CRPPA: variants seen among roughly 807,000 people sequenced by gnomAD.
CRPPA encodes D-ribitol-5-phosphate cytidylyltransferase.
In CRPPA, 43 loss-of-function variants were observed where a neutral mutation model predicts 52.0. The ratio of observed to expected loss-of-function variants is 0.83; its 90% CI spans 0.65 to 1.07. The LOEUF (loss-of-function observed/expected upper bound fraction) is 1.07. Among genes scored for constraint, CRPPA ranks in the 50% least tolerant of loss-of-function variants. The pLI is 0.00. For synonymous variants in CRPPA, 250 were observed against 203.5 expected (o/e 1.23, Z -1.94); for missense variants, 629 against 551.7 (o/e 1.14, Z -1.40).
Position 16,397,802 on chromosome 7 carries a change from C to T in CRPPA, c.534+8259G>A, listed in dbSNP as rs183683549. 5.1e-3 allele frequency among the ~76,000 whole-genome samples: 775 copies of T among 152,290 alleles called. 6 individuals are homozygous for T. Among genetic ancestry groups the T allele is most frequent in the Non-Finnish European group, 8.2e-3 (560 of 68,016 alleles). ...CAACACGTCACTGACATGATTGGCA[C>T]GTGTTTAACATGTGACTGACGTGAT... On this transcript the variant is annotated intron_variant, in intron 2 of 9. Coordinates refer to ENST00000407010, the MANE Select transcript of CRPPA (RefSeq NM_001101426.4).
intron 9 of CRPPA, among the ~76,000 whole-genome samples, chr7:16,116,905 C>T (rs1782386961): frequency 6.6e-6 from 1 of 152,130 alleles, no homozygotes; most frequent in Non-Finnish European, 1.5e-5. Flanking sequence ...GGACTCCGCC[C>T]AGGTACCATA....
chr7:16,321,151 G>A (rs1011614465), intron 3 of CRPPA, among the ~76,000 whole-genome samples: 3 of 152,028 alleles, frequency 2.0e-5, no homozygotes, highest in Non-Finnish European at 4.4e-5. Context: ...ACACTGCCTA[G>A]ATAATTCTTT....
At chr7:16,392,219 A>G (rs1787464082) in intron 2 of CRPPA, among the ~76,000 whole-genome samples, 1 of 152,134 alleles carries the variant, frequency 6.6e-6, no homozygotes, top group African/African-American at 2.4e-5. Flanking sequence ...CCAATCCAAC[A>G]ATTCACTCTA....
intron 3 of CRPPA, among the ~76,000 whole-genome samples, chr7:16,370,460 C>A (rs976002545): frequency 6.6e-6 from 1 of 152,130 alleles, no homozygotes; most frequent in Non-Finnish European, 1.5e-5. Flanking sequence ...TGCAGACATT[C>A]CCCAGCACCA....
chr7:16,407,849 G>C (rs1232084111), intron 1 of CRPPA, among the ~76,000 whole-genome samples: 1 of 152,104 alleles, frequency 6.6e-6, no homozygotes, highest in Non-Finnish European at 1.5e-5. Context: ...GCTCATGCCT[G>C]TAATCCCAGC....
In CRPPA at chr7:16,091,770, C is replaced by T. The variant is rs1197958274; in HGVS notation, c.1281G>A (p.Arg427=). The T allele has an allele frequency of 6.4e-7, 1 of 1,551,906 alleles. No homozygotes were observed. Among genetic ancestry groups the T allele is most frequent in the Admixed American group, 2.0e-5 (1 of 50,668 alleles). Residue 427 remains arginine, a synonymous_variant, in exon 10 of 10, where the codon AGG becomes AGA. Transcript: ENST00000407010. ...ATGAAGCAATAATGATAGCACCTTG[C>T]CTTAAACTCTCCTGTAGCTTCTGAT... ...QDDQKLQESL[R]QGAIIIASLI... is the part of the protein sequence containing the mutation.
chr7:16,186,847 A>G (rs1193571536), intron 9 of CRPPA, among the ~76,000 whole-genome samples: 1 of 152,184 alleles, frequency 6.6e-6, no homozygotes, highest in Non-Finnish European at 1.5e-5. Context: ...GAAAAATACC[A>G]AGGAGAGGAT....
At chr7:16,179,119 C>T (rs901988306) in intron 9 of CRPPA, among the ~76,000 whole-genome samples, 4 of 152,002 alleles carry the variant, frequency 2.6e-5, no homozygotes, top group Admixed American at 1.3e-4. Flanking sequence ...AATATTTTTA[C>T]ATAATTCAAA....
intron 4 of CRPPA, among the ~76,000 whole-genome samples, chr7:16,307,566 G>C (rs375437470): frequency 4.0e-5 from 6 of 149,932 alleles, no homozygotes; most frequent in African/African-American, 1.5e-4. Flanking sequence ...TGTGATCCCA[G>C]CTACTTGGGA....
intron 9 of CRPPA, among the ~76,000 whole-genome samples, chr7:16,184,860 T>C (rs1264152726): frequency 6.6e-6 from 1 of 152,224 alleles, no homozygotes; most frequent in African/African-American, 2.4e-5. Context: ...TCGTCGTTAG[T>C]GATTTTTAAT....
At chr7:16,283,748 T>C (rs1438192684) in intron 5 of CRPPA, among the ~76,000 whole-genome samples, 1 of 151,846 alleles carries the variant, frequency 6.6e-6, no homozygotes, top group African/African-American at 2.4e-5. Context: ...ATTTCTGATA[T>C]AAAACTATTT....
chr7:16,158,087 T>A (rs1783224732), intron 9 of CRPPA, among the ~76,000 whole-genome samples: 1 of 150,860 alleles, frequency 6.6e-6, no homozygotes, highest in Non-Finnish European at 1.5e-5. Flanking sequence ...GGTTTCACCA[T>A]GTTGGCCAGG....
chr7:16,158,109 C>T (rs963706239), intron 9 of CRPPA, among the ~76,000 whole-genome samples: 2 of 148,704 alleles, frequency 1.3e-5, no homozygotes, highest in Non-Finnish European at 3.0e-5. Context: ...TGATCTTGAT[C>T]TCCTGACCTC....
At chr7:16,372,005 C>G (rs142329468) in intron 3 of CRPPA, among the ~76,000 whole-genome samples, 1 of 150,694 alleles carries the variant, frequency 6.6e-6, no homozygotes. Context: ...CCCAATCAGA[C>G]GAAGTAAAAA....
chr7:16,353,775 G>T (rs532381026), intron 3 of CRPPA, among the ~76,000 whole-genome samples: 1 of 151,938 alleles, frequency 6.6e-6, no homozygotes, highest in South Asian at 2.1e-4. Flanking sequence ...ACTTGAACCC[G>T]GGAGGCACAG....
chr7:16,169,436 T>C (rs993887139), intron 9 of CRPPA, among the ~76,000 whole-genome samples: 1 of 152,286 alleles, frequency 6.6e-6, no homozygotes. Context: ...AATCTAAAAC[T>C]GTGTGCCAGA....
At chr7:16,289,258 T>A (rs573691396) in intron 5 of CRPPA, among the ~76,000 whole-genome samples, 1 of 152,202 alleles carries the variant, frequency 6.6e-6, no homozygotes, top group African/African-American at 2.4e-5. Context: ...AGATTCACTG[T>A]CGAGCTCTAC....
chr7:16,116,952 T>C (rs1262090687), intron 9 of CRPPA, among the ~76,000 whole-genome samples: 3 of 152,218 alleles, frequency 2.0e-5, no homozygotes, highest in African/African-American at 7.2e-5. Flanking sequence ...TGTGTCACTC[T>C]AGAGACCATG....
intron 3 of CRPPA, among the ~76,000 whole-genome samples, chr7:16,356,969 A>C (rs1786311771): frequency 6.6e-6 from 1 of 152,140 alleles, no homozygotes. Context: ...ATGAAAAGCC[A>C]AAGATGTTTA....
Sources: allele counts gnomAD v4.1 joint callset (sites outside exome capture counted in the v4.1 genomes callset), GRCh38; gene constraint gnomAD v4.1.1; transcripts MANE v1.5; gene names NCBI Gene and HGNC (gene_info 2026-07-23, HGNC 2026-07-21).